APOB: variants seen among roughly 807,000 people sequenced by gnomAD.
APOB encodes the protein apolipoprotein B, also known as apolipoprotein B-100.
APOB carries 153 observed loss-of-function variants against 314.1 expected under a neutral mutation model. That is an observed-to-expected ratio of 0.49 (90% CI 0.43 to 0.56). The LOEUF is 0.56. Among genes scored for constraint, APOB ranks in the 20% least tolerant of loss-of-function variants. The pLI, the probability that APOB is intolerant of heterozygous loss-of-function variation, is 0.00. For missense variants in APOB, 5,430 were observed against 5,350.7 expected, an observed-to-expected ratio of 1.01 and a Z score of -0.46; for synonymous variants, 2,087 against 2,036.4, an observed-to-expected ratio of 1.02 and a Z score of -0.67.
intron 16 of APOB, 101 bp downstream of exon 16, chr2:21,024,832 C>G: frequency 8.0e-7 from 1 of 1,257,682 alleles, no homozygotes; most frequent in Middle Eastern, 1.9e-4. Context: ...GTACAAGCAT[C>G]TTTTCGGGCT....
Position 21,005,199 on chromosome 2 carries a change from T to C in APOB, c.11669A>G (p.Asp3890Gly), listed in dbSNP as rs1663093293. ...FQALTARFEV[D>G]SPVYNATWSA... Reference sequence around the variant, plus strand: ...CCAAGTGGCATTATACACGGGAGAGTCTACCTCAAAGCGTGCAGTCAGTGC... The same window carrying C: ...CCAAGTGGCATTATACACGGGAGAGCCTACCTCAAAGCGTGCAGTCAGTGC... The change falls in exon 26 of 29, where the codon GAC (aspartate) becomes GGC (glycine). Residue 3890 changes from aspartate (D) to glycine (G), a missense_variant. This residue lies in a region of APOB where 3,281 missense variants were observed against 3,171.0 expected (regional missense o/e 1.03). Transcript: ENST00000233242. The C allele has an allele frequency of 1.9e-6, 3 of 1,613,836 alleles. No individual in the cohort carries two copies. The South Asian group carries it at 3.3e-5, about 18-fold the overall frequency.
rs182580242 is a variant in APOB at position 21,031,589 on chromosome 2, A to G, written c.1352+765T>C. ...TGTAACAAAATTACACTTGTTCCACATAAATTTATATAAAAATGTAAAAAA... is the reference window on the plus strand; with the variant it reads ...TGTAACAAAATTACACTTGTTCCACGTAAATTTATATAAAAATGTAAAAAA... On this transcript the variant is annotated intron_variant, in intron 10 of 28. Coordinates refer to ENST00000233242, the MANE Select transcript of APOB (RefSeq NM_000384.3). 5.3e-5 allele frequency among the ~76,000 whole-genome samples: 8 copies of G among 152,372 alleles called. No individual in the cohort carries two copies. In the East Asian group the frequency reaches 7.7e-4, roughly 15 times the overall value.
chr2:21,003,345 A>AG lies in APOB; in HGVS notation c.12088-12dup, dbSNP rs775081626. 3 of 1,605,952 alleles carry AG rather than the reference A, an allele frequency of 1.9e-6. No homozygotes were observed. The African/African-American group carries it at 4.0e-5, about 21-fold the overall frequency. On this transcript the variant is annotated splice_polypyrimidine_tract_variant and intron_variant, in intron 28 of 28. Transcript: ENST00000233242. ...TTTATCTGGAGAGGACTAAACAGAG[A>AG]GAAAAAAAAAAATAACATGTTTTCA...
At position 21,012,759 on chromosome 2, in the gene APOB, G is replaced by A. The variant is rs1663361977; in HGVS notation, c.4217-108C>T. ...AAAGCCCCATTTTTCTGGGCCAATT[G>A]TGCAATAGACTCCTCCATCTGTAAT... On this transcript the variant is annotated intron_variant, in intron 25 of 28. Coordinates refer to ENST00000233242, the MANE Select transcript of APOB (RefSeq NM_000384.3). The A allele has an allele frequency of 3.3e-6, 4 of 1,194,116 alleles. No homozygotes were observed. The East Asian group carries it at 9.4e-5, about 28-fold the overall frequency. The allele number at this position is 1,194,116 out of a possible 1,614,324, so 74.0% of individuals were successfully genotyped here. A position where few individuals can be genotyped will look rare whatever the true frequency, so the allele number is the denominator to read the frequency against.
At chr2:21,037,366 T>C in intron 5 of APOB, 111 bp from the exon 6 acceptor site, 1 of 1,176,168 alleles carries the variant, frequency 8.5e-7, no homozygotes, top group Non-Finnish European at 1.2e-6. Context: ...AATCTAGCTT[T>C]GGGAGGGACT....
intron 24 of APOB, among the ~76,000 whole-genome samples, chr2:21,013,979 T>G (rs1246269714): frequency 6.6e-6 from 1 of 152,212 alleles, no homozygotes; most frequent in Non-Finnish European, 1.5e-5. Flanking sequence ...TTGATACAAA[T>G]TTGCTAAACT....
rs1663441737 is a variant in APOB at position 21,015,412 on chromosome 2, C to G, written c.3466G>C (p.Ala1156Pro). 1.9e-6 allele frequency: 3 copies of G among 1,614,096 alleles called. No homozygotes were observed. Among genetic ancestry groups the G allele is most frequent in the African/African-American group, 1.3e-5 (1 of 74,930 alleles). ...LLLQMDSSAT[A>P]YGSTVSKRVA... ...CTCTTGGAAACTGTGGAGCCATAAGCTGTAGCAGATGAGTCCATTTGGAGA... is the reference window on the plus strand; with the variant it reads ...CTCTTGGAAACTGTGGAGCCATAAGGTGTAGCAGATGAGTCCATTTGGAGA... Residue 1156 changes from alanine to proline, a missense_variant, in exon 22 of 29, where the codon GCT (alanine) becomes CCT (proline). By Grantham distance (27) the Ala-to-Pro change is conservative. Transcript: ENST00000233242.
At position 21,007,455 on chromosome 2, in the gene APOB, G is replaced by C; in HGVS notation, c.9413C>G (p.Pro3138Arg). ...IPLTIPEMRL[P>R]YTIITTPPLK... Reference sequence around the variant, plus strand: ...TGGAGGAGTTGTGATTATTGTGTAAGGTAGACGCATTTCAGGAATTGTTAA... The same window carrying C: ...TGGAGGAGTTGTGATTATTGTGTAACGTAGACGCATTTCAGGAATTGTTAA... The change falls in exon 26 of 29, where the codon CCT (proline) becomes CGT (arginine). Residue 3138 changes from proline (P) to arginine (R), a missense_variant. Pro to Arg is a moderately radical substitution (Grantham distance 103). Transcript: ENST00000233242. 1 of 1,614,030 alleles carries C rather than the reference G, an allele frequency of 6.2e-7. No homozygotes were observed. The highest frequency in any genetic ancestry group is 8.5e-7 in the Non-Finnish European group (1 of 1,179,964).
At chr2:21,033,240 T>A in intron 9 of APOB, 59 bp downstream of exon 9, 3 of 1,415,898 alleles carry the variant, frequency 2.1e-6, no homozygotes. Flanking sequence ...GGCCAAGGTT[T>A]GAAAGTTCAG....
chr2:21,017,128 G>C (rs1663499252), intron 20 of APOB, among the ~76,000 whole-genome samples: 1 of 151,000 alleles, frequency 6.6e-6, no homozygotes, highest in Admixed American at 6.6e-5. Context: ...CACAGTTCAG[G>C]ATTTTACTGA....
intron 7 of APOB, 134 bp downstream of exon 7, chr2:21,035,450 A>G: frequency 8.5e-7 from 1 of 1,171,228 alleles, no homozygotes; most frequent in Non-Finnish European, 1.2e-6. Context: ...AAAGGGGGAC[A>G]GGGAGGGGCG....
Position 21,018,997 on chromosome 2 carries a change from G to C in APOB, c.3116C>G (p.Ala1039Gly), listed in dbSNP as rs1406077371. 3.1e-6 allele frequency: 5 copies of C among 1,613,948 alleles called. No individual in the cohort carries two copies. In the East Asian group the frequency reaches 1.1e-4, roughly 36 times the overall value. The stretch of plus-strand genomic sequence containing the variant: ...GCTGTGTTTTGAATACTCACCTTCT[G>C]CTTGAGTTACAAACTTCAGGGTATC... Reference protein sequence around the residue: ...LVDTLKFVTQAEGAKQTEATM... With the variant: ...LVDTLKFVTQGEGAKQTEATM... The change falls in exon 20 of 29, where the codon GCA (alanine) becomes GGA (glycine). Residue 1039 changes from alanine to glycine, a missense_variant. By Grantham distance (60) the Ala-to-Gly change is moderately conservative (BLOSUM62 0). This residue lies in a region of APOB where 2,085 missense variants were observed against 2,079.7 expected (regional missense o/e 1.00). Transcript: ENST00000233242.
In APOB at chr2:21,007,709, T is replaced by C. The variant is rs1663184800; in HGVS notation, c.9159A>G (p.Glu3053=). 1 of 1,614,106 alleles carries C rather than the reference T, an allele frequency of 6.2e-7. No individual in the cohort carries two copies. The highest frequency in any genetic ancestry group is 8.5e-7 in the Non-Finnish European group (1 of 1,179,962). The part of the protein sequence containing the change: ...PFEITASTNN[E]GNLKVRFPLR... ...ATGGAAAACGAACTTTCAAATTCCC[T>C]TCATTGTTTGTGGATGCCGTGATCT... Residue 3053 remains glutamate, a synonymous_variant, in exon 26 of 29, where the codon GAA becomes GAG. Transcript: ENST00000233242.
chr2:21,026,269 A>G (rs1663729657), intron 15 of APOB, among the ~76,000 whole-genome samples: 1 of 150,436 alleles, frequency 6.6e-6, no homozygotes, highest in South Asian at 2.1e-4. Context: ...TTTTTTTAAG[A>G]TACAGTCTCA....
chr2:21,009,989 A>T lies in APOB; in HGVS notation c.6879T>A (p.Asp2293Glu). The change falls in exon 26 of 29, where the codon GAT becomes GAA. Residue 2293 changes from aspartate (D) to glutamate (E), a missense_variant. This residue lies in a region of APOB where 3,281 missense variants were observed against 3,171.0 expected (regional missense o/e 1.03). Transcript: ENST00000233242. ...GKLKQHIEAIDVRVLLDQLGT... is the reference protein window; with the variant it reads ...GKLKQHIEAIEVRVLLDQLGT... ...CCAATTGATCTAAAAGCACTCTAAC[A>T]TCAATAGCCTCAATGTGTTGTTTTA... 1 of 1,613,810 alleles carries T rather than the reference A, an allele frequency of 6.2e-7. No individual in the cohort carries two copies. The highest frequency in any genetic ancestry group is 8.5e-7 in the Non-Finnish European group (1 of 1,179,934).
chr2:21,019,577 C>G, intron 19 of APOB, 146 bp downstream of exon 19: 1 of 861,794 alleles, frequency 1.2e-6, no homozygotes, highest in Admixed American at 2.1e-5. Flanking sequence ...GGCCAGAGGA[C>G]CCTGCTTTAA....
Position 21,013,496 on chromosome 2 carries a change from A to C in APOB, c.3880T>G (p.Leu1294Val), listed in dbSNP as rs766984172. ...RVKYTLNKNSLKIEIPLPFGG... is the reference protein window; with the variant it reads ...RVKYTLNKNSVKIEIPLPFGG... ...AAAGGCAAAGGAATCTCAATTTTCA[A>C]ACTGTTCTTGTTCAAGGTATATTTG... Residue 1294 changes from leucine (L) to valine (V), a missense_variant, in exon 25 of 29, where the codon TTG (leucine) becomes GTG (valine). Physicochemically the swap from Leu to Val is conservative, Grantham distance 32. Transcript: ENST00000233242. 1 of 1,614,216 alleles carries C rather than the reference A, an allele frequency of 6.2e-7. No individual in the cohort carries two copies. The highest frequency in any genetic ancestry group is 2.2e-5 in the East Asian group (1 of 44,888).
chr2:21,008,825 G>A lies in APOB; in HGVS notation c.8043C>T (p.Asn2681=), dbSNP rs768324396. 5.0e-6 allele frequency: 8 copies of A among 1,614,038 alleles called. No individual in the cohort carries two copies. Among genetic ancestry groups the A allele is most frequent in the South Asian group, 2.2e-5 (2 of 91,076 alleles). ...KIIRTIDQML[N]SELQWPVPDI... ...CTGGAACGGGCCACTGCAGCTCACT[G>A]TTCAGCATCTGGTCAATGGTTCTGA... Residue 2681 remains asparagine (N), a synonymous_variant, in exon 26 of 29, where the codon AAC becomes AAT. Transcript: ENST00000233242.
Position 21,019,064 on chromosome 2 carries a change from T to G in APOB, c.3049A>C (p.Ser1017Arg), listed in dbSNP as rs149323475. ...PTGEIEQYSVSATYELQREDR... is the reference protein window; with the variant it reads ...PTGEIEQYSVRATYELQREDR... ...TCTCTCTGGAGCTCATAGGTTGCGC[T>G]GACAGAATACTGCTCAATCTCTCCT... The change falls in exon 20 of 29, where the codon AGC (serine) becomes CGC (arginine). Residue 1017 changes from serine to arginine, a missense_variant. Physicochemically the swap from Ser to Arg is moderately radical, Grantham distance 110. Transcript: ENST00000233242. 284 of 1,613,966 alleles carry G rather than the reference T, an allele frequency of 1.8e-4. 1 individual carries two copies. Among genetic ancestry groups the G allele is most frequent in the Non-Finnish European group, 2.3e-4 (271 of 1,180,026 alleles).
Sources: allele counts gnomAD v4.1 joint callset (sites outside exome capture counted in the v4.1 genomes callset), GRCh38; gene constraint gnomAD v4.1.1; regional missense constraint gnomAD v4.1.1; transcripts MANE v1.5; gene names NCBI Gene and HGNC (gene_info 2026-07-23, HGNC 2026-07-21).